The following SNX24 variants were observed in gnomAD, a reference collection of about 807,000 sequenced individuals.
SNX24 encodes sorting nexin-24.
SNX24 carries 22 observed loss-of-function variants against 28.7 expected under a neutral mutation model. The ratio of observed to expected loss-of-function variants is 0.77; its 90% CI spans 0.55 to 1.10. The LOEUF (loss-of-function observed/expected upper bound fraction) is 1.10, where lower values mean the gene tolerates loss of function less well. SNX24 is among the 50% of genes least tolerant of loss of function. The pLI is 0.00. For missense variants in SNX24, 221 were observed against 201.1 expected, an observed-to-expected ratio of 1.10 and a Z score of -0.60; for synonymous variants, 69 against 71.5, an observed-to-expected ratio of 0.96 and a Z score of 0.18.
chr5:122,880,992 A>G (rs538121538), intron 1 of SNX24, among the ~76,000 whole-genome samples: 2 of 152,318 alleles, frequency 1.3e-5, no homozygotes, highest in East Asian at 3.9e-4. Flanking sequence ...ATTCTGTGGT[A>G]TCTGACTCTT....
chr5:122,871,349 C>T (rs910222245), intron 1 of SNX24, among the ~76,000 whole-genome samples: 2 of 152,122 alleles, frequency 1.3e-5, no homozygotes, highest in East Asian at 1.9e-4. Context: ...AAAAGATGCC[C>T]TGTAGAGTGT....
At position 123,008,804 on chromosome 5, in the gene SNX24, T is replaced by C. The variant is rs1038310152; in HGVS notation, c.*1055T>C. The C allele has an allele frequency of 1.2e-5, 11 of 886,290 alleles. No homozygotes were observed. The highest frequency in any genetic ancestry group is 1.5e-5 in the Non-Finnish European group (11 of 739,204). The allele number at this position is 886,290 out of a possible 1,614,324, so 54.9% of individuals were successfully genotyped here. On this transcript the variant is annotated 3_prime_UTR_variant, in exon 7 of 7. Coordinates refer to ENST00000261369, the MANE Select transcript of SNX24 (RefSeq NM_014035.4). Reference sequence around the variant, plus strand: ...GTTGAGTTAATGTAAGTTAAATGTGTTTATGATATAACTCCACTGTACATC... The same window carrying C: ...GTTGAGTTAATGTAAGTTAAATGTGCTTATGATATAACTCCACTGTACATC...
chr5:122,946,977 A>G (rs1280194847), intron 3 of SNX24, among the ~76,000 whole-genome samples: 2 of 152,192 alleles, frequency 1.3e-5, no homozygotes, highest in African/African-American at 4.8e-5. Context: ...CCACTAACCC[A>G]TCTTGGTAAG....
At chr5:122,990,742 T>C (rs934735411) in intron 3 of SNX24, among the ~76,000 whole-genome samples, 7 of 152,222 alleles carry the variant, frequency 4.6e-5, no homozygotes, top group Non-Finnish European at 8.8e-5. Context: ...TCCATTCTAT[T>C]GTTTGTATTT....
chr5:123,011,671 CAA>C (rs1206409136), downstream of SNX24, among the ~76,000 whole-genome samples: 1 of 152,130 alleles, frequency 6.6e-6, no homozygotes, highest in Non-Finnish European at 1.5e-5. Flanking sequence ...CAGAAAATAA[CAA>C]GTGTTGGTGA....
chr5:122,971,673 A>C (rs1441320681), intron 3 of SNX24, among the ~76,000 whole-genome samples: 1 of 152,226 alleles, frequency 6.6e-6, no homozygotes, highest in Non-Finnish European at 1.5e-5. Context: ...ATAAGGGAAA[A>C]AGAAAGGAAA....
chr5:122,938,134 C>G (rs761211020), intron 2 of SNX24, among the ~76,000 whole-genome samples: 7 of 152,058 alleles, frequency 4.6e-5, no homozygotes, highest in Non-Finnish European at 7.4e-5. Context: ...CAGGAACCAG[C>G]TCCACACCAG....
chr5:122,864,035 A>G (rs1185663721), intron 1 of SNX24, among the ~76,000 whole-genome samples: 1 of 152,230 alleles, frequency 6.6e-6, no homozygotes, highest in Non-Finnish European at 1.5e-5. Flanking sequence ...ACACAGTAGC[A>G]AAAAATGTAA....
At chr5:122,877,148 A>G (rs1756261504) in intron 1 of SNX24, among the ~76,000 whole-genome samples, 2 of 152,066 alleles carry the variant, frequency 1.3e-5, no homozygotes, top group South Asian at 4.2e-4. Flanking sequence ...GGGAGAATGT[A>G]TGAGTTGCTT....
chr5:122,882,914 G>C (rs1242373233), intron 1 of SNX24, among the ~76,000 whole-genome samples: 1 of 152,014 alleles, frequency 6.6e-6, no homozygotes, highest in Non-Finnish European at 1.5e-5. Flanking sequence ...AGCATATATA[G>C]GGAAAAATGG....
At chr5:123,017,671 T>C (rs940937332) in intron 5 of SNX24, among the ~76,000 whole-genome samples, 1 of 151,848 alleles carries the variant, frequency 6.6e-6, no homozygotes, top group Non-Finnish European at 1.5e-5. Context: ...GTGGTTGAAT[T>C]GTAGGGGGTG....
At chr5:122,921,064 AAT>A (rs147721601) in intron 1 of SNX24, among the ~76,000 whole-genome samples, 3 of 151,500 alleles carry the variant, frequency 2.0e-5, no homozygotes, top group African/African-American at 4.8e-5. Context: ...TTTGGTAAAG[AAT>A]ATATATATAT....
chr5:122,892,389 C>A (rs894272400), intron 1 of SNX24, among the ~76,000 whole-genome samples: 1 of 151,948 alleles, frequency 6.6e-6, no homozygotes, highest in Non-Finnish European at 1.5e-5. Flanking sequence ...TTGATAGTTG[C>A]AAAATGCTGC....
At chr5:122,859,087 A>ATGCCTGGATATTGTAATCATT (rs1434477059) in intron 1 of SNX24, among the ~76,000 whole-genome samples, 6 of 152,186 alleles carry the variant, frequency 3.9e-5, no homozygotes, top group African/African-American at 7.2e-5. Flanking sequence ...TCTAGGTATC[A>ATGCCTGGATATTGTAATCATT]TGCCTGGATA....
intron 3 of SNX24, among the ~76,000 whole-genome samples, chr5:122,986,768 A>G (rs2150161301): frequency 7.2e-6 from 1 of 138,804 alleles, no homozygotes; most frequent in East Asian, 2.2e-4. Flanking sequence ...TTTTATAGTG[A>G]GAGTGCATGT....
At chr5:122,970,934 C>T (rs1760932980) in intron 3 of SNX24, among the ~76,000 whole-genome samples, 1 of 152,140 alleles carries the variant, frequency 6.6e-6, no homozygotes, top group Non-Finnish European at 1.5e-5. Context: ...TTAGGGTTCT[C>T]TAGAGGGACA....
chr5:122,904,009 G>A (rs547071728), intron 1 of SNX24, among the ~76,000 whole-genome samples: 15 of 152,014 alleles, frequency 9.9e-5, no homozygotes, highest in Admixed American at 3.3e-4. Context: ...TTGGTCCTAC[G>A]GTTAAATGGC....
downstream of SNX24, among the ~76,000 whole-genome samples, chr5:123,012,974 G>A (rs1762616916): frequency 6.6e-6 from 1 of 152,132 alleles, no homozygotes. Context: ...TGATGGAGAT[G>A]GTTTATGACC....
intron 1 of SNX24, among the ~76,000 whole-genome samples, chr5:122,859,590 A>C (rs55861675): frequency 0.16 from 24,199 of 152,088 alleles, 2,358 homozygotes; most frequent in East Asian, 0.36. Flanking sequence ...TGGCAGAGCA[A>C]GACACTATCT....
Sources: allele counts gnomAD v4.1 joint callset (sites outside exome capture counted in the v4.1 genomes callset), GRCh38; gene constraint gnomAD v4.1.1; transcripts MANE v1.5; gene names NCBI Gene and HGNC (gene_info 2026-07-23, HGNC 2026-07-21).